DSC1: variants seen among roughly 807,000 people sequenced by gnomAD.
DSC1 encodes the protein desmocollin 1.
In DSC1, 79 loss-of-function variants were observed where a neutral mutation model predicts 98.8. The ratio of observed to expected loss-of-function variants is 0.80; its 90% CI spans 0.67 to 0.96. The LOEUF is 0.96. Ranked by LOEUF, DSC1 falls within the 50% of genes least tolerant of loss-of-function variation. The probability of loss-of-function intolerance (pLI) is 0.00; values close to 1 mark genes in which losing one functional copy is unlikely to be tolerated. For missense variants in DSC1, 1,115 were observed against 1,075.9 expected (o/e 1.04, Z -0.51); for synonymous variants, 405 against 372.1 (o/e 1.09, Z -1.02).
intron 12 of DSC1, 27 bp downstream of exon 12, chr18:31,134,545 A>G (rs2144916764): frequency 6.5e-7 from 1 of 1,542,524 alleles, no homozygotes; most frequent in South Asian, 1.2e-5. Context: ...GTCCGTATTG[A>G]CTATAAAATT....
chr18:31,132,452 G>A, intron 14 of DSC1, 116 bp downstream of exon 14: 2 of 1,414,930 alleles, frequency 1.4e-6, no homozygotes, highest in African/African-American at 1.4e-5. Context: ...TTGAAACTCT[G>A]CTTAGCATAG....
At chr18:31,146,920 T>TA (rs1988858145) in intron 6 of DSC1, among the ~76,000 whole-genome samples, 1 of 152,212 alleles carries the variant, frequency 6.6e-6, no homozygotes, top group African/African-American at 2.4e-5. Context: ...GGGAGTAGTC[T>TA]ATGTATCATT....
chr18:31,132,429 A>C, intron 14 of DSC1, 139 bp downstream of exon 14: 1 of 1,222,586 alleles, frequency 8.2e-7, no homozygotes, highest in South Asian at 1.6e-5. Flanking sequence ...ATGATTTAAA[A>C]CACTGAGGGC....
chr18:31,156,064 T>C lies in DSC1; in HGVS notation c.450A>G (p.Pro150=). 6.2e-7 allele frequency: 1 copy of C among 1,613,988 alleles called. No homozygotes were observed. The highest frequency in any genetic ancestry group is 8.5e-7 in the Non-Finnish European group (1 of 1,180,000). ...GCACCTGCTGAACGTGTTGTGGAAA[T>C]GGACCCAACGAGTTCTCCATCAATG... ...PASLMENSLG[P]FPQHVQQIQS... is the part of the protein sequence containing the mutation. The change falls in exon 4 of 16, where the codon CCA becomes CCG. Residue 150 remains proline, a synonymous_variant. Transcript: ENST00000257198.
intron 11 of DSC1, among the ~76,000 whole-genome samples, chr18:31,136,833 G>C (rs1047760618): frequency 6.6e-6 from 1 of 152,166 alleles, no homozygotes; most frequent in Non-Finnish European, 1.5e-5. Context: ...AAAATTACAA[G>C]AGGTTGATGG....
intron 1 of DSC1, among the ~76,000 whole-genome samples, chr18:31,160,021 A>T (rs112647424): frequency 6.6e-6 from 1 of 152,322 alleles, no homozygotes; most frequent in African/African-American, 2.4e-5. Context: ...CCAAAAAATC[A>T]TTGTTCTCAA....
intron 5 of DSC1, among the ~76,000 whole-genome samples, chr18:31,153,292 G>T (rs912242633): frequency 4.6e-5 from 7 of 152,052 alleles, no homozygotes; most frequent in Non-Finnish European, 8.8e-5. Context: ...GACTTCTAGT[G>T]TTAGATCTTT....
chr18:31,130,451 C>T lies in DSC1; in HGVS notation c.*63G>A. 1 of 1,574,576 alleles carries T rather than the reference C, an allele frequency of 6.4e-7. No individual in the cohort carries two copies. The highest frequency in any genetic ancestry group is 2.2e-5 in the East Asian group (1 of 44,572). ...CAAAAACATTAGCAGATGCTGCTAA[C>T]ATTCTGCAAGTAATAAATTCCTACT... On this transcript the variant is annotated 3_prime_UTR_variant, in exon 16 of 16. Transcript: ENST00000257198.
In DSC1 at chr18:31,131,791, T is replaced by C; in HGVS notation, c.2290A>G (p.Met764Val). 6.2e-7 allele frequency: 1 copy of C among 1,614,130 alleles called. No individual in the cohort carries two copies. The highest frequency in any genetic ancestry group is 8.5e-7 in the Non-Finnish European group (1 of 1,179,974). The stretch of plus-strand genomic sequence containing the variant: ...TGGCCACCAACAGTACCAACAGACA[T>C]GCTTGTGTCACAAATGTTGGATGTC... ...MQTSNICDTSMSVGTVGGQGI... is the reference protein window; with the variant it reads ...MQTSNICDTSVSVGTVGGQGI... The change falls in exon 15 of 16, where the codon ATG becomes GTG. Residue 764 changes from methionine to valine, a missense_variant. Transcript: ENST00000257198.
chr18:31,139,861 C>T lies in DSC1; in HGVS notation c.1550G>A (p.Trp517Ter). The T allele has an allele frequency of 1.2e-6, 2 of 1,608,752 alleles. No homozygotes were observed. The highest frequency in any genetic ancestry group is 1.7e-6 in the Non-Finnish European group (2 of 1,178,472). Residue 517 changes from tryptophan to a stop codon, truncating the protein, a stop_gained, in exon 11 of 16, where the codon TGG (tryptophan) becomes TAG (stop). Transcript: ENST00000257198. LOFTEE classifies it high-confidence loss of function. Reference protein sequence around the residue: ...RYQKLGDEDNWFEINQHTGDL... With the variant: ...RYQKLGDEDN Reference sequence around the variant, plus strand: ...GCCAGTGTGTTGATTAATTTCAAACCAGTTATCTTCATCCCCTAACTTCTG... The same window carrying T: ...GCCAGTGTGTTGATTAATTTCAAACTAGTTATCTTCATCCCCTAACTTCTG...
intron 5 of DSC1, among the ~76,000 whole-genome samples, chr18:31,150,259 C>T (rs1180711066): frequency 3.0e-5 from 4 of 133,080 alleles, no homozygotes; most frequent in Non-Finnish European, 6.4e-5. Flanking sequence ...CCACCACCAC[C>T]ATCATCATCA....
At chr18:31,143,627 C>T (rs1598620027) in intron 8 of DSC1, 30 bp downstream of exon 8, 2 of 1,468,964 alleles carry the variant, frequency 1.4e-6, no homozygotes, top group Non-Finnish European at 1.8e-6. Context: ...GTAGATAAAT[C>T]TAGATGAATG....
intron 7 of DSC1, among the ~76,000 whole-genome samples, chr18:31,144,866 T>C (rs889136525): frequency 6.6e-6 from 1 of 152,038 alleles, no homozygotes; most frequent in Admixed American, 6.6e-5. Flanking sequence ...GGCAGGATGT[T>C]GATAGCAGGG....
chr18:31,159,971 T>C (rs1226023008), intron 1 of DSC1, among the ~76,000 whole-genome samples: 1 of 152,194 alleles, frequency 6.6e-6, no homozygotes, highest in African/African-American at 2.4e-5. Flanking sequence ...GTCTAGAAAA[T>C]AGTTAAGGGC....
In DSC1 at chr18:31,157,518, G is replaced by A. The variant is rs200720961; in HGVS notation, c.204C>T (p.Ala68=). 2.5e-6 allele frequency: 4 copies of A among 1,614,100 alleles called. No homozygotes were observed. Among genetic ancestry groups the A allele is most frequent in the Non-Finnish European group, 3.4e-6 (4 of 1,180,044 alleles). Residue 68 remains alanine, a synonymous_variant, in exon 3 of 16, where the codon GCC becomes GCT. Transcript: ENST00000257198. ...TTGAGCCATCTTCTAGAATTCTGAA[G>A]GCAGGGTCACTGGACCGGATTAGGC... ...SASLIRSSDP[A]FRILEDGSIY...
intron 5 of DSC1, among the ~76,000 whole-genome samples, chr18:31,153,649 A>G (rs1444449259): frequency 6.6e-6 from 1 of 151,996 alleles, no homozygotes; most frequent in East Asian, 1.9e-4. Context: ...GATAGAATCT[A>G]CTCCTTAGGA....
intron 3 of DSC1, among the ~76,000 whole-genome samples, chr18:31,156,425 T>C (rs1183965411): frequency 6.6e-6 from 1 of 152,192 alleles, no homozygotes; most frequent in Non-Finnish European, 1.5e-5. Flanking sequence ...TGAGAAAGTA[T>C]AAACTCCCCC....
intron 11 of DSC1, among the ~76,000 whole-genome samples, chr18:31,136,840 A>G (rs1988621365): frequency 6.6e-6 from 1 of 152,214 alleles, no homozygotes; most frequent in Admixed American, 6.5e-5. Flanking sequence ...CAAGAGGTTG[A>G]TGGTAAGTTT....
chr18:31,135,637 T>C (rs1015917798), intron 11 of DSC1, among the ~76,000 whole-genome samples: 2 of 152,192 alleles, frequency 1.3e-5, no homozygotes, highest in Admixed American at 1.3e-4. Flanking sequence ...TGTCTCGTAC[T>C]CATCTGTTGA....
Sources: gnomAD v4.1 joint callset for allele counts (sites outside exome capture counted in the v4.1 genomes callset) on GRCh38, gnomAD v4.1.1 for gene constraint, MANE v1.5 for transcripts, NCBI Gene and HGNC (gene_info 2026-07-23, HGNC 2026-07-21) for gene names.